OR2M3: variants seen among roughly 807,000 people sequenced by gnomAD.
OR2M3 encodes olfactory receptor family 2 subfamily M member 3, also known as olfactory receptor 2M3.
In OR2M3, 1 loss-of-function variant was observed where a neutral mutation model predicts 4.3. The observed-to-expected ratio is 0.23, with a 90% CI of 0.08 to 1.11. The LOEUF (loss-of-function observed/expected upper bound fraction) is 1.11. OR2M3 is among the 50% of genes most tolerant of loss of function. The pLI is 0.54. For synonymous variants in OR2M3, 151 were observed against 139.4 expected, an observed-to-expected ratio of 1.08 and a Z score of -0.59; for missense variants, 410 against 390.4, an observed-to-expected ratio of 1.05 and a Z score of -0.42.
intron 1 of OR2M3, among the ~76,000 whole-genome samples, chr1:248,200,655 T>G (rs1288599958): frequency 1.3e-5 from 2 of 152,130 alleles, no homozygotes; most frequent in African/African-American, 2.4e-5. Context: ...ATCTCATGAG[T>G]GTCACTTAAG....
In OR2M3 at chr1:248,206,616, T is replaced by TTATG. The variant is rs1345240688; in HGVS notation, c.*2614_*2617dup. ...TATGTGGTGTATCATATTTATTGAC[T>TTATG]TATGTATCTTAAACCATCCCTACAT... On this transcript the variant is annotated 3_prime_UTR_variant, in exon 2 of 2. Transcript: ENST00000641626. 3.9e-5 allele frequency: 6 copies of TTATG among 152,096 alleles called. No homozygotes were observed. The highest frequency in any genetic ancestry group is 1.4e-4 in the African/African-American group (6 of 41,424). The allele number at this position is 152,096 out of a possible 1,614,324, so 9.4% of individuals were successfully genotyped here. A position where few individuals can be genotyped will look rare whatever the true frequency, so the allele number is the denominator to read the frequency against.
Position 248,203,810 on chromosome 1 carries a change from T to G in OR2M3, c.743T>G (p.Val248Gly). ...FTTCSSHLLV[V>G]GMYYGAALFM... ...ACTTGTTCCTCTCACCTCTTGGTGG[T>G]GGGAATGTACTATGGAGCAGCTTTG... Residue 248 changes from valine to glycine, a missense_variant, in exon 2 of 2, where the codon GTG (valine) becomes GGG (glycine). Coordinates refer to ENST00000641626, the MANE Select transcript of OR2M3 (RefSeq NM_001004689.2). 3 of 1,613,220 alleles carry G rather than the reference T, an allele frequency of 1.9e-6. No homozygotes were observed. The highest frequency in any genetic ancestry group is 1.1e-5 in the South Asian group (1 of 91,038).
rs186652586 is a variant in OR2M3, at chr1:248,202,813, A to C, written c.-18-237A>C. Reference sequence around the variant, plus strand: ...TTATTTATTAGATACTATAATTCTAATTTTTCAATGGAGAAAGGGGATGCT... The same window carrying C: ...TTATTTATTAGATACTATAATTCTACTTTTTCAATGGAGAAAGGGGATGCT... On this transcript the variant is annotated intron_variant, in intron 1 of 1. Transcript: ENST00000641626. Among the ~76,000 whole-genome samples the C allele has an allele frequency of 3.0e-3, 452 of 152,164 alleles. 2 individuals are homozygous for C. The highest frequency in any genetic ancestry group is 0.01 in the African/African-American group (435 of 41,532).
In OR2M3 at chr1:248,197,268, A is replaced by T. The variant is rs575548601; in HGVS notation, c.-52A>T. ...TTTATATATTTTTGCCTTTCCAGGA[A>T]ACCACAATCTCACTGAAAATATACA... On this transcript the variant is annotated 5_prime_UTR_variant, in exon 1 of 2. Coordinates refer to ENST00000641626, the MANE Select transcript of OR2M3 (RefSeq NM_001004689.2). 6.6e-6 allele frequency: 1 copy of T among 152,242 alleles called. No homozygotes were observed. Among genetic ancestry groups the T allele is most frequent in the Non-Finnish European group, 1.5e-5 (1 of 67,986 alleles). 9.4% of individuals were successfully genotyped at this position (152,242 alleles called of 1,614,324 possible).
chr1:248,202,293 C>G (rs888356243), intron 1 of OR2M3, among the ~76,000 whole-genome samples: 2 of 151,866 alleles, frequency 1.3e-5, no homozygotes, highest in African/African-American at 4.8e-5. Flanking sequence ...CCCAGTGTCT[C>G]AGTCTTTGCA....
At chr1:248,198,889 A>G (rs1666126722) in intron 1 of OR2M3, among the ~76,000 whole-genome samples, 1 of 152,062 alleles carries the variant, frequency 6.6e-6, no homozygotes, top group Non-Finnish European at 1.5e-5. Flanking sequence ...AAATCTGATG[A>G]TGATTTTCAT....
In OR2M3 at chr1:248,209,633, C is replaced by A. The variant is rs184189506; in HGVS notation, c.*5627C>A. Reference sequence around the variant, plus strand: ...GGTACTTGGGAGTGTCTGCAAAGATCCTGTAATATGATCTGTCTTCAGGTC... The same window carrying A: ...GGTACTTGGGAGTGTCTGCAAAGATACTGTAATATGATCTGTCTTCAGGTC... On this transcript the variant is annotated 3_prime_UTR_variant, in exon 2 of 2. Transcript: ENST00000641626. 2.0e-5 allele frequency: 3 copies of A among 152,266 alleles called. No individual in the cohort carries two copies. In the East Asian group the frequency reaches 5.8e-4, roughly 29 times the overall value. 9.4% of individuals were successfully genotyped at this position (152,266 alleles called of 1,614,324 possible). A position where few individuals can be genotyped will look rare whatever the true frequency, so the allele number is the denominator to read the frequency against.
chr1:248,198,875 C>A (rs375482243), intron 1 of OR2M3, among the ~76,000 whole-genome samples: 1 of 149,352 alleles, frequency 6.7e-6, no homozygotes, highest in Non-Finnish European at 1.5e-5. Context: ...ACCACAGTGT[C>A]ATGAAATCTG....
In OR2M3 at chr1:248,209,570, C is replaced by T. The variant is rs1320398781; in HGVS notation, c.*5564C>T. The T allele has an allele frequency of 6.6e-6, 1 of 151,952 alleles. No individual in the cohort carries two copies. The highest frequency in any genetic ancestry group is 1.5e-5 in the Non-Finnish European group (1 of 67,976). The allele number at this position is 151,952 out of a possible 1,614,324, so 9.4% of individuals were successfully genotyped here. ...CTTCCTGAGAGCCAAACTGTAGTGG[C>T]TGTCTAGCCACACAGTGGAGCTACC... On this transcript the variant is annotated 3_prime_UTR_variant, in exon 2 of 2. Coordinates refer to ENST00000641626, the MANE Select transcript of OR2M3 (RefSeq NM_001004689.2).
rs1666285176 is a variant in OR2M3, at chr1:248,211,714, A to C, written c.*7708A>C. ...CCCATGCGAAATCTATCTCAATCAA[A>C]AGTGCATTATTCTTAGAAGCAGATA... On this transcript the variant is annotated 3_prime_UTR_variant, in exon 2 of 2. Transcript: ENST00000641626. The C allele has an allele frequency of 6.6e-6, 1 of 151,936 alleles. No homozygotes were observed. Among genetic ancestry groups the C allele is most frequent in the South Asian group, 2.1e-4 (1 of 4,814 alleles). The allele number at this position is 151,936 out of a possible 1,614,324, so 9.4% of individuals were successfully genotyped here. A position where few individuals can be genotyped will look rare whatever the true frequency, so the allele number is the denominator to read the frequency against.
chr1:248,211,276 T>C lies in OR2M3; in HGVS notation c.*7270T>C, dbSNP rs1011778964. The C allele has an allele frequency of 6.6e-6, 1 of 152,156 alleles. No individual in the cohort carries two copies. Among genetic ancestry groups the C allele is most frequent in the Non-Finnish European group, 1.5e-5 (1 of 68,022 alleles). The allele number at this position is 152,156 out of a possible 1,614,324, so 9.4% of individuals were successfully genotyped here. ...ATTACTTCCATCACAAAAAGTTAAC[T>C]TTTATTATGGGATCCCAGATCCAAA... On this transcript the variant is annotated 3_prime_UTR_variant, in exon 2 of 2. Coordinates refer to ENST00000641626, the MANE Select transcript of OR2M3 (RefSeq NM_001004689.2).
In OR2M3 at chr1:248,209,846, C is replaced by T. The variant is rs1487325031; in HGVS notation, c.*5840C>T. The stretch of plus-strand genomic sequence containing the variant: ...GGATGCAAACTTGCCCTAGGGACAC[C>T]TGGTCAAGTATTCAGGTTTCTCAGG... On this transcript the variant is annotated 3_prime_UTR_variant, in exon 2 of 2. Transcript: ENST00000641626. 6.6e-6 allele frequency: 1 copy of T among 152,178 alleles called. No homozygotes were observed. Among genetic ancestry groups the T allele is most frequent in the Non-Finnish European group, 1.5e-5 (1 of 68,116 alleles). The allele number at this position is 152,178 out of a possible 1,614,324, so 9.4% of individuals were successfully genotyped here. A position where few individuals can be genotyped will look rare whatever the true frequency, so the allele number is the denominator to read the frequency against.
Position 248,204,051 on chromosome 1 carries a change from T to C in OR2M3, c.*45T>C. 1 of 1,588,838 alleles carries C rather than the reference T, an allele frequency of 6.3e-7. No homozygotes were observed. Among genetic ancestry groups the C allele is most frequent in the Non-Finnish European group, 8.6e-7 (1 of 1,159,012 alleles). ...GTTTTGCTGTGTGCTAAATCCTTTTTTTAAATGGTCCTATTTTTCCATTAA... is the reference window on the plus strand; with the variant it reads ...GTTTTGCTGTGTGCTAAATCCTTTTCTTAAATGGTCCTATTTTTCCATTAA... On this transcript the variant is annotated 3_prime_UTR_variant, in exon 2 of 2. Coordinates refer to ENST00000641626, the MANE Select transcript of OR2M3 (RefSeq NM_001004689.2).
rs1442753170 is a variant in OR2M3, at chr1:248,209,915, T to C, written c.*5909T>C. 2 of 152,174 alleles carry C rather than the reference T, an allele frequency of 1.3e-5. No individual in the cohort carries two copies. The allele number at this position is 152,174 out of a possible 1,614,324, so 9.4% of individuals were successfully genotyped here. A position where few individuals can be genotyped will look rare whatever the true frequency, so the allele number is the denominator to read the frequency against. On this transcript the variant is annotated 3_prime_UTR_variant, in exon 2 of 2. Coordinates refer to ENST00000641626, the MANE Select transcript of OR2M3 (RefSeq NM_001004689.2). ...AGGTAACAAGAGATTATGACGTTTGTCTTCAGCTACCAAGGTGGATAGAGA... is the reference window on the plus strand; with the variant it reads ...AGGTAACAAGAGATTATGACGTTTGCCTTCAGCTACCAAGGTGGATAGAGA...
At chr1:248,199,882 G>A (rs1666137077) in intron 1 of OR2M3, among the ~76,000 whole-genome samples, 2 of 152,084 alleles carry the variant, frequency 1.3e-5, no homozygotes, top group Admixed American at 1.3e-4. Flanking sequence ...TATAAGTTCA[G>A]CCTAAACTAA....
chr1:248,198,831 T>A (rs768394090), intron 1 of OR2M3, among the ~76,000 whole-genome samples: 1 of 152,188 alleles, frequency 6.6e-6, no homozygotes, highest in Non-Finnish European at 1.5e-5. Context: ...TTTCATAACT[T>A]CTGTGTTACT....
intron 1 of OR2M3, among the ~76,000 whole-genome samples, chr1:248,198,280 ATG>A (rs956784189): frequency 7.2e-5 from 11 of 152,004 alleles, no homozygotes; most frequent in Non-Finnish European, 7.4e-5. Flanking sequence ...TGATTTTTAG[ATG>A]TGTGTTTAAA....
At position 248,203,099 on chromosome 1, in the gene OR2M3, A is replaced by G. The variant is rs1399021908; in HGVS notation, c.32A>G (p.Asp11Gly). The change falls in exon 2 of 2, where the codon GAC becomes GGC. Residue 11 changes from aspartate to glycine, a missense_variant. Asp to Gly is a moderately conservative substitution (Grantham distance 94). Transcript: ENST00000641626. MARENSTFNS[D>G]FILLGIFNHS... ...AGGGAGAATTCGACCTTCAACTCCGACTTCATCCTCCTGGGAATCTTCAAT... is the reference window on the plus strand; with the variant it reads ...AGGGAGAATTCGACCTTCAACTCCGGCTTCATCCTCCTGGGAATCTTCAAT... 1 of 1,613,776 alleles carries G rather than the reference A, an allele frequency of 6.2e-7. No homozygotes were observed. The highest frequency in any genetic ancestry group is 8.5e-7 in the Non-Finnish European group (1 of 1,179,876).
rs1380261439 is a variant in OR2M3, at chr1:248,205,776, C to G, written c.*1770C>G. ...TTATTCTTGCTATGGCTATGCAGGACTTTTTTATTCCATATGAATTTTAGG... is the reference window on the plus strand; with the variant it reads ...TTATTCTTGCTATGGCTATGCAGGAGTTTTTTATTCCATATGAATTTTAGG... On this transcript the variant is annotated 3_prime_UTR_variant, in exon 2 of 2. Coordinates refer to ENST00000641626, the MANE Select transcript of OR2M3 (RefSeq NM_001004689.2). The G allele has an allele frequency of 6.6e-6, 1 of 151,766 alleles. No homozygotes were observed. The highest frequency in any genetic ancestry group is 1.5e-5 in the Non-Finnish European group (1 of 67,824). The allele number at this position is 151,766 out of a possible 1,614,324, so 9.4% of individuals were successfully genotyped here. A position where few individuals can be genotyped will look rare whatever the true frequency, so the allele number is the denominator to read the frequency against.
Sources: allele counts gnomAD v4.1 joint callset (sites outside exome capture counted in the v4.1 genomes callset), GRCh38; gene constraint gnomAD v4.1.1; transcripts MANE v1.5; gene names NCBI Gene and HGNC (gene_info 2026-07-23, HGNC 2026-07-21).